RHBDD1: variants seen among roughly 807,000 people sequenced by gnomAD.
The protein encoded by RHBDD1 is rhomboid domain containing 1.
A neutral mutation model predicts 36.3 loss-of-function variants in RHBDD1; 38 were observed. The ratio of observed to expected loss-of-function variants is 1.05; its 90% confidence interval spans 0.81 to 1.37. RHBDD1 has a LOEUF of 1.37. Ranked by LOEUF, RHBDD1 falls within the 40% of genes most tolerant of loss-of-function variation. The pLI is 0.00. For synonymous variants in RHBDD1, 151 were observed against 136.5 expected (o/e 1.11, Z -0.74); for missense variants, 393 against 377.6 (o/e 1.04, Z -0.34).
At chr2:226,942,183 A>G (rs1048667809) in intron 8 of RHBDD1, among the ~76,000 whole-genome samples, 4 of 151,632 alleles carry the variant, frequency 2.6e-5, no homozygotes, top group East Asian at 1.9e-4. Context: ...TAATTGGCCC[A>G]TGTAACTTAG....
intron 5 of RHBDD1, among the ~76,000 whole-genome samples, chr2:226,892,023 A>G (rs1046874774): frequency 6.6e-6 from 1 of 152,170 alleles, no homozygotes; most frequent in Non-Finnish European, 1.5e-5. Context: ...TGTTTCTTTG[A>G]CTGTGACACT....
intron 8 of RHBDD1, among the ~76,000 whole-genome samples, chr2:226,916,918 A>G (rs968281679): frequency 2.0e-5 from 3 of 152,118 alleles, no homozygotes; most frequent in Non-Finnish European, 4.4e-5. Context: ...TCCCTCAGTA[A>G]TTTGGGCTCA....
intron 8 of RHBDD1, chr2:226,988,512 G>A (rs1271069644): frequency 2.8e-5 from 43 of 1,519,158 alleles, no homozygotes; most frequent in Non-Finnish European, 3.7e-5. Flanking sequence ...CTTGCGAGGT[G>A]GATAGCAGCT....
intron 8 of RHBDD1, among the ~76,000 whole-genome samples, chr2:226,987,026 A>G (rs905642813): frequency 2.0e-5 from 3 of 152,224 alleles, no homozygotes; most frequent in African/African-American, 7.2e-5. Flanking sequence ...TGTCCTTTGC[A>G]GGGACATGGA....
chr2:226,902,822 A>G (rs1236696843), intron 5 of RHBDD1, among the ~76,000 whole-genome samples: 1 of 152,228 alleles, frequency 6.6e-6, no homozygotes, highest in African/African-American at 2.4e-5. Flanking sequence ...TTGAAATTAT[A>G]TTAGGGCAAT....
chr2:226,922,202 C>CTTTTTTTTT (rs1017204610), intron 8 of RHBDD1, among the ~76,000 whole-genome samples: 13 of 105,040 alleles, frequency 1.2e-4, no homozygotes, highest in South Asian at 3.5e-4. Flanking sequence ...TATCTTTTTC[C>CTTTTTTTTT]TTTTTTTTTT....
chr2:226,839,288 T>C (rs1941352267), intron 2 of RHBDD1, 121 bp from the exon 3 acceptor site: 2 of 152,176 alleles, frequency 1.3e-5, no homozygotes, highest in South Asian at 4.1e-4. Flanking sequence ...TACGTACATG[T>C]ATATGTAAAT....
intron 8 of RHBDD1, among the ~76,000 whole-genome samples, chr2:226,975,239 C>T (rs1397805511): frequency 1.3e-5 from 2 of 152,040 alleles, no homozygotes; most frequent in Non-Finnish European, 2.9e-5. Flanking sequence ...AATCGATGCC[C>T]CTGAGGTAAT....
the RHBDD1 span, among the ~76,000 whole-genome samples, chr2:226,813,202 A>G: frequency 6.6e-6 from 1 of 152,250 alleles, no homozygotes; most frequent in African/African-American, 2.4e-5. Flanking sequence ...ATGGCTAACA[A>G]TACAAACCAC....
intron 5 of RHBDD1, among the ~76,000 whole-genome samples, chr2:226,903,783 C>T (rs1206459016): frequency 1.3e-5 from 2 of 152,160 alleles, no homozygotes; most frequent in East Asian, 3.9e-4. Context: ...TGGCCCACCA[C>T]ACCCCCCTCT....
intron 8 of RHBDD1, among the ~76,000 whole-genome samples, chr2:226,926,936 G>A (rs1949706261): frequency 6.6e-6 from 1 of 151,966 alleles, no homozygotes. Context: ...ATTTCTTTGG[G>A]TTCCTTGTTA....
intron 8 of RHBDD1, among the ~76,000 whole-genome samples, chr2:226,933,066 G>A (rs1485350444): frequency 1.3e-5 from 2 of 152,118 alleles, no homozygotes; most frequent in African/African-American, 2.4e-5. Context: ...GCAAGCAGGG[G>A]AAATGCCAGA....
chr2:226,816,962 C>T, the RHBDD1 span, among the ~76,000 whole-genome samples: 1 of 139,592 alleles, frequency 7.2e-6, no homozygotes, highest in African/African-American at 2.5e-5. Context: ...TCATTTCTCA[C>T]TGAAGCAAAA....
intron 8 of RHBDD1, among the ~76,000 whole-genome samples, chr2:226,982,506 T>C (rs933800396): frequency 2.6e-5 from 4 of 152,244 alleles, no homozygotes; most frequent in African/African-American, 4.8e-5. Flanking sequence ...TCAGCATCAA[T>C]AGATGTAATA....
At chr2:226,956,889 A>G (rs1389173373) in intron 8 of RHBDD1, among the ~76,000 whole-genome samples, 2 of 152,202 alleles carry the variant, frequency 1.3e-5, no homozygotes, top group Non-Finnish European at 2.9e-5. Context: ...AGGCCAAATC[A>G]GCCCTTATTG....
chr2:226,958,087 A>G (rs1004879499), intron 8 of RHBDD1, among the ~76,000 whole-genome samples: 1 of 152,250 alleles, frequency 6.6e-6, no homozygotes, highest in Non-Finnish European at 1.5e-5. Flanking sequence ...TTGTATGTGA[A>G]TATTTATTTT....
At chr2:226,946,388 T>G (rs972303612) in intron 8 of RHBDD1, among the ~76,000 whole-genome samples, 4 of 152,220 alleles carry the variant, frequency 2.6e-5, no homozygotes, top group African/African-American at 9.6e-5. Flanking sequence ...GCCTCTGTTC[T>G]GTTCCATTGG....
At chr2:226,979,006 A>G (rs1445969727) in intron 8 of RHBDD1, among the ~76,000 whole-genome samples, 1 of 152,192 alleles carries the variant, frequency 6.6e-6, no homozygotes, top group Non-Finnish European at 1.5e-5. Flanking sequence ...AAAAGAGTTT[A>G]TTATGGAGAA....
At chr2:226,850,334 T>G (rs1052784953) in intron 3 of RHBDD1, among the ~76,000 whole-genome samples, 1 of 152,214 alleles carries the variant, frequency 6.6e-6, no homozygotes, top group Non-Finnish European at 1.5e-5. Context: ...GAAAATAAGG[T>G]TAAATACTCA....
Sources: allele counts gnomAD v4.1 joint callset (sites outside exome capture counted in the v4.1 genomes callset), GRCh38; gene constraint gnomAD v4.1.1; transcripts MANE v1.5; gene names NCBI Gene and HGNC (gene_info 2026-07-23, HGNC 2026-07-21).